The following ATP11C variants were observed in gnomAD, a reference collection of about 807,000 sequenced individuals.
ATP11C encodes ATPase phospholipid transporting 11C (ATP11C blood group).
In ATP11C, 36 loss-of-function variants were observed where a neutral mutation model predicts 97.4. The ratio of observed to expected loss-of-function variants is 0.37; its 90% CI spans 0.28 to 0.49. The LOEUF is 0.49. Ranked by LOEUF, ATP11C falls within the 20% of genes least tolerant of loss-of-function variation. The pLI, the probability that ATP11C is intolerant of heterozygous loss-of-function variation, is 0.98. For missense variants in ATP11C, 730 were observed against 824.6 expected (o/e 0.89, Z 1.40); for synonymous variants, 275 against 290.9 (o/e 0.95, Z 0.56).
intron 1 of ATP11C, among the ~76,000 whole-genome samples, chrX:139,906,401 G>A (rs1484239060): frequency 1.2e-4 from 11 of 93,515 alleles, no homozygotes; most frequent in South Asian, 6.0e-4. Context: ...TTGGTGACAG[G>A]GCAAGACACT....
intron 1 of ATP11C, among the ~76,000 whole-genome samples, chrX:139,914,698 T>C (rs2085127991): frequency 9.0e-6 from 1 of 111,551 alleles, no homozygotes; most frequent in Non-Finnish European, 1.9e-5. Context: ...TAACTCCTCC[T>C]GCATTTTCCT....
rs761629755 is a variant in ATP11C, at chrX:139,865,762, A to C, written c.28-38939T>G. Among the ~76,000 whole-genome samples the C allele has an allele frequency of 3.0e-3, 337 of 110,811 alleles. 1 individual carries two copies. Among genetic ancestry groups the C allele is most frequent in the African/African-American group, 8.6e-3 (262 of 30,494 alleles). On this transcript the variant is annotated intron_variant, in intron 1 of 29. Coordinates refer to ENST00000682941, the MANE Select transcript of ATP11C (RefSeq NM_001353812.2). The stretch of plus-strand genomic sequence containing the variant: ...GGTGACAGAGCGAGACCCTGTCCCC[A>C]AAAAAAATAAATAAATAAATAAATA...
At chrX:139,923,630 T>C (rs1198731996) in intron 1 of ATP11C, among the ~76,000 whole-genome samples, 2 of 112,060 alleles carry the variant, frequency 1.8e-5, no homozygotes, top group African/African-American at 6.5e-5. Flanking sequence ...ATACATTAAT[T>C]GTGAAGCTTA....
chrX:139,907,739 C>T (rs2085005163), intron 1 of ATP11C, among the ~76,000 whole-genome samples: 1 of 108,328 alleles, frequency 9.2e-6, no homozygotes, highest in Non-Finnish European at 1.9e-5. Flanking sequence ...CAGAGCGACA[C>T]TCTGTCTCAA....
chrX:139,909,457 T>C (rs1487799344), intron 1 of ATP11C, among the ~76,000 whole-genome samples: 2 of 111,442 alleles, frequency 1.8e-5, no homozygotes, highest in East Asian at 2.8e-4. Flanking sequence ...ATAACATTTC[T>C]TTCCTTCTGT....
In ATP11C at chrX:139,813,018, A is replaced by G. The variant is rs749196402; in HGVS notation, c.426+1860T>C. Among the ~76,000 whole-genome samples, 5 of 112,072 alleles carry G rather than the reference A, an allele frequency of 4.5e-5. No individual in the cohort carries two copies. In the East Asian group the frequency reaches 1.4e-3, roughly 31 times the overall value. On this transcript the variant is annotated intron_variant, in intron 5 of 29. Coordinates refer to ENST00000682941, the MANE Select transcript of ATP11C (RefSeq NM_001353812.2). ...CCCACTCTGTAGTCTTCCTCCCATC[A>G]TTACTATAAGATGATGCAAGGAAAT...
rs1294202250 is a variant in ATP11C at position 139,873,716 on chromosome X, A to G, written c.28-46893T>C. The stretch of plus-strand genomic sequence containing the variant: ...AGCGAGACTCCAACTCAAAAAAAAA[A>G]AAAAAAAAAAAAGGTTAAGATGGTA... On this transcript the variant is annotated intron_variant, in intron 1 of 29. Coordinates refer to ENST00000682941, the MANE Select transcript of ATP11C (RefSeq NM_001353812.2). 2.8e-5 allele frequency among the ~76,000 whole-genome samples: 3 copies of G among 107,888 alleles called. No individual in the cohort carries two copies. In the East Asian group the frequency reaches 8.6e-4, roughly 31 times the overall value. 93.7% of individuals were successfully genotyped at this position (107,888 alleles called of 115,157 possible).
chrX:139,748,805 C>T (rs993250101), intron 24 of ATP11C, among the ~76,000 whole-genome samples: 4 of 111,399 alleles, frequency 3.6e-5, no homozygotes, highest in Non-Finnish European at 7.5e-5. Flanking sequence ...CAAGGTTAAC[C>T]TAAACATTAA....
chrX:139,832,419 A>G, intron 1 of ATP11C: 1 of 659,622 alleles, frequency 1.5e-6, no homozygotes, highest in East Asian at 3.9e-5. Flanking sequence ...TGGCGGCCTT[A>G]GCCCCATTAT....
chrX:139,733,154 T>C (rs1032224251), intron 28 of ATP11C, among the ~76,000 whole-genome samples: 2 of 112,224 alleles, frequency 1.8e-5, no homozygotes, highest in African/African-American at 3.2e-5. Context: ...GAGTCCTCTT[T>C]AGAAAGATAG....
chrX:139,788,253 C>A lies in ATP11C; in HGVS notation c.1459G>T (p.Ala487Ser). The A allele has an allele frequency of 8.3e-7, 1 of 1,208,008 alleles. No homozygotes were observed. The highest frequency in any genetic ancestry group is 1.1e-6 in the Non-Finnish European group (1 of 892,335). Residue 487 changes from alanine to serine, a missense_variant, in exon 14 of 30, where the codon GCT becomes TCT. Transcript: ENST00000682941. ...NDAVDGATES[A>S]ELTYISSSPD... is the part of the protein sequence containing the mutation. ...GAAGAGGAGATATAGGTTAATTCAG[C>A]TGATTCTGTAGCTCCATCAACAGCA...
chrX:139,832,249 A>T, intron 1 of ATP11C: 2 of 1,196,463 alleles, frequency 1.7e-6, no homozygotes, highest in Admixed American at 2.2e-5. Flanking sequence ...AATGCTGCAG[A>T]TTATCAAGCA....
At chrX:139,801,414 G>A (rs2082924363) in intron 7 of ATP11C, among the ~76,000 whole-genome samples, 1 of 111,998 alleles carries the variant, frequency 8.9e-6, no homozygotes, top group Non-Finnish European at 1.9e-5. Flanking sequence ...TGATGAGAAG[G>A]AGGGAGGTCA....
chrX:139,919,461 ACAC>A (rs2085217723), intron 1 of ATP11C, among the ~76,000 whole-genome samples: 2 of 104,802 alleles, frequency 1.9e-5, no homozygotes, highest in African/African-American at 7.0e-5. Context: ...ACACACACAC[ACAC>A]ACACACACAC....
At chrX:139,887,965 C>A (rs1263180896) in intron 1 of ATP11C, among the ~76,000 whole-genome samples, 1 of 89,942 alleles carries the variant, frequency 1.1e-5, no homozygotes, top group Non-Finnish European at 2.1e-5. Context: ...AGCAAGACTC[C>A]GTCTCAAAAA....
At chrX:139,848,900 G>A (rs1371089976) in intron 1 of ATP11C, among the ~76,000 whole-genome samples, 1 of 112,004 alleles carries the variant, frequency 8.9e-6, no homozygotes, top group Non-Finnish European at 1.9e-5. Flanking sequence ...AGGAGGCTGA[G>A]AACAGTTTTG....
chrX:139,818,712 T>C (rs1434500477), intron 3 of ATP11C, among the ~76,000 whole-genome samples: 1 of 112,310 alleles, frequency 8.9e-6, no homozygotes, highest in Admixed American at 9.4e-5. Flanking sequence ...TCTGCTTCAT[T>C]TAAAAAATGA....
At chrX:139,743,503 C>T (rs1341740215) in intron 26 of ATP11C, 56 bp downstream of exon 26, 29 of 813,951 alleles carry the variant, frequency 3.6e-5, no homozygotes, top group Non-Finnish European at 4.7e-5. Flanking sequence ...TAGGATAAGA[C>T]AAGAAAGTAT....
intron 1 of ATP11C, among the ~76,000 whole-genome samples, chrX:139,853,200 T>C (rs972611660): frequency 9.0e-6 from 1 of 110,546 alleles, no homozygotes; most frequent in African/African-American, 3.3e-5. Context: ...CGCCAGTCCC[T>C]CCCCTAGGGG....
Sources: gnomAD v4.1 joint callset for allele counts (sites outside exome capture counted in the v4.1 genomes callset) on GRCh38, gnomAD v4.1.1 for gene constraint, MANE v1.5 for transcripts, NCBI Gene and HGNC (gene_info 2026-07-23, HGNC 2026-07-21) for gene names.